Variants in NPFFR2 observed in about 807,000 individuals in gnomAD.
NPFFR2 encodes neuropeptide FF receptor 2.
Under a neutral mutation model 13.1 loss-of-function variants are expected in NPFFR2, and 15 were observed. That is an observed-to-expected ratio of 1.15 (90% CI 0.77 to 1.76). The LOEUF (loss-of-function observed/expected upper bound fraction) is 1.76, where lower values mean the gene tolerates loss of function less well. Ranked by LOEUF, NPFFR2 falls within the 40% of genes most tolerant of loss-of-function variation. NPFFR2 has a pLI of 0.00. For missense variants in NPFFR2, 572 were observed against 503.5 expected, an observed-to-expected ratio of 1.14 and a Z score of -1.30; for synonymous variants, 190 against 175.7, an observed-to-expected ratio of 1.08 and a Z score of -0.65.
intron 1 of NPFFR2, among the ~76,000 whole-genome samples, chr4:72,039,667 A>G (rs969500912): frequency 6.6e-6 from 1 of 152,164 alleles, no homozygotes; most frequent in Non-Finnish European, 1.5e-5. Context: ...CTTCTTGATA[A>G]ACATTCACTT....
At chr4:72,093,110 A>G (rs1452009727) in intron 1 of NPFFR2, among the ~76,000 whole-genome samples, 2 of 152,200 alleles carry the variant, frequency 1.3e-5, no homozygotes, top group African/African-American at 4.8e-5. Flanking sequence ...AATGGATACA[A>G]AATTCTTGGC....
chr4:72,134,218 C>G (rs530659596), intron 2 of NPFFR2, among the ~76,000 whole-genome samples: 3 of 152,108 alleles, frequency 2.0e-5, no homozygotes, highest in Non-Finnish European at 4.4e-5. Context: ...GAGCCGAGAT[C>G]GTGCCACTGC....
chr4:72,097,028 A>G (rs1437771468), intron 1 of NPFFR2, among the ~76,000 whole-genome samples: 1 of 152,166 alleles, frequency 6.6e-6, no homozygotes, highest in East Asian at 1.9e-4. Flanking sequence ...ATCAGGTATT[A>G]TAGAATACTA....
intron 1 of NPFFR2, among the ~76,000 whole-genome samples, chr4:72,062,162 A>G (rs1359362379): frequency 2.6e-5 from 4 of 152,084 alleles, no homozygotes; most frequent in Admixed American, 1.3e-4. Context: ...TTGAGGCTAA[A>G]TATACTAGCA....
At chr4:72,118,012 AAGG>A (rs1292326737) in intron 1 of NPFFR2, among the ~76,000 whole-genome samples, 1 of 152,170 alleles carries the variant, frequency 6.6e-6, no homozygotes, top group Non-Finnish European at 1.5e-5. Context: ...GAAAGGAAAA[AAGG>A]AAGGAAGGGG....
chr4:72,095,535 A>G (rs1371119995), intron 1 of NPFFR2, among the ~76,000 whole-genome samples: 3 of 152,224 alleles, frequency 2.0e-5, no homozygotes, highest in Non-Finnish European at 4.4e-5. Flanking sequence ...AAATTACCTC[A>G]TGGTCTACAT....
Position 72,126,558 on chromosome 4 carries a change from TGATACAC to T in NPFFR2, c.-7-2026_-7-2020del, listed in dbSNP as rs1340478176. Among the ~76,000 whole-genome samples, 11 of 152,366 alleles carry T rather than the reference TGATACAC, an allele frequency of 7.2e-5. No homozygotes were observed. The East Asian group carries it at 2.1e-3, about 29-fold the overall frequency. On this transcript the variant is annotated intron_variant, in intron 1 of 3. Coordinates refer to ENST00000308744, the MANE Select transcript of NPFFR2 (RefSeq NM_004885.3). Reference sequence around the variant, plus strand: ...CTTAAATAATAAACACTTCCTATACTGATACACAGGTTTACTTAAATGATGAGTGGCT... The same window carrying T: ...CTTAAATAATAAACACTTCCTATACTAGGTTTACTTAAATGATGAGTGGCT...
At chr4:72,054,734 A>G (rs1405147737) in intron 1 of NPFFR2, among the ~76,000 whole-genome samples, 1 of 151,944 alleles carries the variant, frequency 6.6e-6, no homozygotes, top group African/African-American at 2.4e-5. Context: ...TTGAAAATAT[A>G]TATTTTACAA....
At chr4:72,130,143 T>G (rs1385380333) in intron 2 of NPFFR2, among the ~76,000 whole-genome samples, 2 of 151,996 alleles carry the variant, frequency 1.3e-5, no homozygotes, top group African/African-American at 4.8e-5. Flanking sequence ...TGTCTACTTC[T>G]TTCTACACAG....
At chr4:72,060,775 A>G (rs1235384890) in intron 1 of NPFFR2, among the ~76,000 whole-genome samples, 1 of 152,092 alleles carries the variant, frequency 6.6e-6, no homozygotes, top group Non-Finnish European at 1.5e-5. Flanking sequence ...CCCCTTCATC[A>G]TCACTTTTCT....
At chr4:72,100,007 CA>C (rs1339976007) in intron 1 of NPFFR2, among the ~76,000 whole-genome samples, 1 of 152,066 alleles carries the variant, frequency 6.6e-6, no homozygotes, top group Non-Finnish European at 1.5e-5. Context: ...TCATTTTGTA[CA>C]TTAATGTTTA....
At chr4:72,102,349 C>G (rs185965899) in intron 1 of NPFFR2, among the ~76,000 whole-genome samples, 1 of 152,032 alleles carries the variant, frequency 6.6e-6, no homozygotes, top group Non-Finnish European at 1.5e-5. Context: ...AATATGGCAA[C>G]TTAATATACA....
intron 1 of NPFFR2, among the ~76,000 whole-genome samples, chr4:72,113,489 G>A (rs1011369522): frequency 1.3e-5 from 2 of 151,906 alleles, no homozygotes; most frequent in Non-Finnish European, 2.9e-5. Context: ...TATCATCAAT[G>A]TCCTATCATC....
intron 1 of NPFFR2, among the ~76,000 whole-genome samples, chr4:72,067,397 G>A (rs1316115024): frequency 6.6e-6 from 1 of 152,192 alleles, no homozygotes; most frequent in Admixed American, 6.5e-5. Flanking sequence ...CACTCTGGGT[G>A]TTTGATGGGT....
At chr4:72,133,929 ATTT>A (rs1722328286) in intron 2 of NPFFR2, among the ~76,000 whole-genome samples, 1 of 140,632 alleles carries the variant, frequency 7.1e-6, no homozygotes, top group African/African-American at 2.5e-5. Flanking sequence ...TCCCATACAT[ATTT>A]TAAATTACAT....
At chr4:72,103,792 G>A (rs1017773576) in intron 1 of NPFFR2, among the ~76,000 whole-genome samples, 5 of 152,090 alleles carry the variant, frequency 3.3e-5, no homozygotes, top group Admixed American at 2.6e-4. Context: ...AACAAAAAAT[G>A]CCTTCCAAAT....
At chr4:72,135,558 T>C (rs1233235918) in intron 2 of NPFFR2, among the ~76,000 whole-genome samples, 1 of 152,126 alleles carries the variant, frequency 6.6e-6, no homozygotes, top group Non-Finnish European at 1.5e-5. Flanking sequence ...ATTTTCTGCA[T>C]ATTTCTGTAG....
At chr4:72,124,899 A>T (rs183919163) in intron 1 of NPFFR2, among the ~76,000 whole-genome samples, 10 of 152,350 alleles carry the variant, frequency 6.6e-5, no homozygotes, top group African/African-American at 2.2e-4. Context: ...AAACAATGGC[A>T]ATAAAAGCCA....
chr4:72,094,549 C>T (rs1721005523), intron 1 of NPFFR2, among the ~76,000 whole-genome samples: 1 of 152,044 alleles, frequency 6.6e-6, no homozygotes, highest in Admixed American at 6.6e-5. Context: ...GGGTGTGGTT[C>T]CCAGAGGGAT....
Sources: gnomAD v4.1 joint callset for allele counts (sites outside exome capture counted in the v4.1 genomes callset) on GRCh38, gnomAD v4.1.1 for gene constraint, MANE v1.5 for transcripts, NCBI Gene and HGNC (gene_info 2026-07-23, HGNC 2026-07-21) for gene names.